The following PTN variants were observed in gnomAD, a reference collection of about 807,000 sequenced individuals.
PTN encodes heparin affin regulatory protein.
A neutral mutation model predicts 24.1 loss-of-function variants in PTN; 18 were observed. The observed-to-expected ratio is 0.75, with a 90% CI of 0.52 to 1.11. The LOEUF (loss-of-function observed/expected upper bound fraction) is 1.11. Among genes scored for constraint, PTN ranks in the 50% least tolerant of loss-of-function variants. The probability of loss-of-function intolerance (pLI) is 0.00; values close to 1 mark genes in which losing one functional copy is unlikely to be tolerated. For synonymous variants in PTN, 78 were observed against 68.6 expected, an observed-to-expected ratio of 1.14 and a Z score of -0.67; for missense variants, 163 against 198.8, an observed-to-expected ratio of 0.82 and a Z score of 1.08.
intron 4 of PTN, chr7:137,236,271 C>T (rs1808519560): frequency 4.3e-6 from 3 of 702,020 alleles, no homozygotes; most frequent in Non-Finnish European, 7.8e-6. Context: ...ATATCTATAG[C>T]TTCTCCAAAT....
intron 1 of PTN, among the ~76,000 whole-genome samples, chr7:137,286,050 T>C (rs957765628): frequency 2.0e-5 from 3 of 152,240 alleles, no homozygotes; most frequent in Non-Finnish European, 4.4e-5. Context: ...CCAATCAAAA[T>C]AAAAGAAAAC....
At chr7:137,313,493 C>A (rs1810017641) in intron 1 of PTN, among the ~76,000 whole-genome samples, 1 of 152,178 alleles carries the variant, frequency 6.6e-6, no homozygotes, top group Admixed American at 6.5e-5. Flanking sequence ...TGAATTAATC[C>A]ATTCAGCTAT....
intron 1 of PTN, among the ~76,000 whole-genome samples, chr7:137,277,062 C>A (rs551766096): frequency 3.7e-4 from 57 of 152,226 alleles, no homozygotes; most frequent in African/African-American, 1.3e-3. Flanking sequence ...TGAATTTTAT[C>A]TACAACACAT....
intron 1 of PTN, among the ~76,000 whole-genome samples, chr7:137,313,516 G>C (rs979447885): frequency 6.6e-6 from 1 of 152,208 alleles, no homozygotes; most frequent in African/African-American, 2.4e-5. Flanking sequence ...CAGTAATTGT[G>C]GGAGCTAGCT....
intron 1 of PTN, among the ~76,000 whole-genome samples, chr7:137,265,720 G>A (rs1054463870): frequency 1.7e-4 from 26 of 152,198 alleles, no homozygotes; most frequent in African/African-American, 6.3e-4. Context: ...GAGACAATCA[G>A]GGCCTCTGGC....
At chr7:137,265,567 C>T (rs997006981) in intron 1 of PTN, among the ~76,000 whole-genome samples, 8 of 152,238 alleles carry the variant, frequency 5.3e-5, no homozygotes, top group Admixed American at 1.3e-4. Flanking sequence ...GGATGGCCCT[C>T]AGGGGCTGAC....
chr7:137,324,960 A>G (rs1810233977), intron 1 of PTN, among the ~76,000 whole-genome samples: 2 of 152,200 alleles, frequency 1.3e-5, no homozygotes, highest in South Asian at 4.1e-4. Context: ...AGAGTATGAA[A>G]TATCAATTGG....
chr7:137,341,907 T>C lies in PTN; in HGVS notation c.-2+1532A>G, dbSNP rs149585553. 1.8e-3 allele frequency among the ~76,000 whole-genome samples: 279 copies of C among 152,266 alleles called. 1 individual carries two copies. The highest frequency in any genetic ancestry group is 6.5e-3 in the African/African-American group (272 of 41,564). ...TCATCTTCTAATTTAAATGAAAAAG[T>C]ACAAATATTGCCAGTCTGAAATAAC... On this transcript the variant is annotated intron_variant, in intron 1 of 4. Transcript: ENST00000348225.
intron 4 of PTN, among the ~76,000 whole-genome samples, chr7:137,235,476 T>C (rs76324315): frequency 0.05 from 7,570 of 152,214 alleles, 561 homozygotes; most frequent in African/African-American, 0.16. Flanking sequence ...AGTGGCAAAA[T>C]ACAGAAACAT....
intron 1 of PTN, among the ~76,000 whole-genome samples, chr7:137,295,706 C>A: frequency 6.6e-6 from 1 of 151,438 alleles, no homozygotes; most frequent in East Asian, 1.9e-4. Context: ...TCCTTTTTTT[C>A]ACGTGGTTTT....
chr7:137,259,239 T>C (rs559706321), intron 1 of PTN, among the ~76,000 whole-genome samples: 1 of 152,248 alleles, frequency 6.6e-6, no homozygotes, highest in African/African-American at 2.4e-5. Context: ...GCTCCCCTTT[T>C]CCTTAGTATT....
chr7:137,236,478 A>G (rs1808523047), intron 4 of PTN, among the ~76,000 whole-genome samples: 1 of 152,122 alleles, frequency 6.6e-6, no homozygotes, highest in Non-Finnish European at 1.5e-5. Context: ...TTACAGACAC[A>G]CATACACATA....
chr7:137,329,922 C>T (rs535774077), intron 1 of PTN, among the ~76,000 whole-genome samples: 20 of 152,246 alleles, frequency 1.3e-4, no homozygotes, highest in African/African-American at 4.1e-4. Flanking sequence ...TAGTGACTTC[C>T]TTTAAGTATA....
rs548293606 is a variant in PTN, at chr7:137,314,263, T to C, written c.-2+29176A>G. Among the ~76,000 whole-genome samples, 18 of 152,320 alleles carry C rather than the reference T, an allele frequency of 1.2e-4. No homozygotes were observed. In the East Asian group the frequency reaches 3.5e-3, roughly 29 times the overall value. Reference sequence around the variant, plus strand: ...AATAGGGCATACATTGAGTACTCCATGCATTAAAGTGGCCTTAGCAGTATC... The same window carrying C: ...AATAGGGCATACATTGAGTACTCCACGCATTAAAGTGGCCTTAGCAGTATC... On this transcript the variant is annotated intron_variant, in intron 1 of 4. Transcript: ENST00000348225.
At chr7:137,315,167 A>G (rs1562920659) in intron 1 of PTN, among the ~76,000 whole-genome samples, 1 of 152,182 alleles carries the variant, frequency 6.6e-6, no homozygotes, top group Non-Finnish European at 1.5e-5. Context: ...GCTAATAATT[A>G]TGCCATGCAA....
intron 1 of PTN, among the ~76,000 whole-genome samples, chr7:137,321,947 G>A (rs995734884): frequency 2.0e-5 from 3 of 152,080 alleles, no homozygotes; most frequent in African/African-American, 7.2e-5. Flanking sequence ...TGTACAATAA[G>A]TTACAAAGTA....
At chr7:137,315,591 G>A (rs1005217099) in intron 1 of PTN, among the ~76,000 whole-genome samples, 1 of 152,148 alleles carries the variant, frequency 6.6e-6, no homozygotes, top group African/African-American at 2.4e-5. Flanking sequence ...CCTGCAATGT[G>A]GAAAGGGGAG....
intron 1 of PTN, among the ~76,000 whole-genome samples, chr7:137,272,371 T>C (rs1286534075): frequency 6.6e-6 from 1 of 152,244 alleles, no homozygotes; most frequent in African/African-American, 2.4e-5. Flanking sequence ...TCCTGTGTGA[T>C]TAGAAATTCT....
intron 1 of PTN, among the ~76,000 whole-genome samples, chr7:137,315,282 G>A (rs909623257): frequency 4.0e-5 from 6 of 151,870 alleles, no homozygotes; most frequent in Non-Finnish European, 8.8e-5. Flanking sequence ...TGACCATTAC[G>A]AAAGTAATGA....
Sources: allele counts gnomAD v4.1 joint callset (sites outside exome capture counted in the v4.1 genomes callset), GRCh38; gene constraint gnomAD v4.1.1; transcripts MANE v1.5; gene names NCBI Gene and HGNC (gene_info 2026-07-23, HGNC 2026-07-21).